The following GIGYF1 variants were observed in gnomAD, a reference collection of about 807,000 sequenced individuals.
GIGYF1 encodes GRB10 interacting GYF protein 1.
In GIGYF1, 84 loss-of-function variants were observed where a neutral mutation model predicts 147.1. That is an observed-to-expected ratio of 0.57 (90% CI 0.48 to 0.68). The LOEUF (loss-of-function observed/expected upper bound fraction) is 0.68. GIGYF1 is among the 30% of genes least tolerant of loss of function. The pLI is 0.00. For missense variants in GIGYF1, 1,485 were observed against 1,393.7 expected (o/e 1.07, Z -1.04); for synonymous variants, 752 against 589.5 (o/e 1.28, Z -3.99).
Position 100,688,818 on chromosome 7 carries a change from T to C in GIGYF1, c.-361A>G. 2 of 206,032 alleles carry C rather than the reference T, an allele frequency of 9.7e-6. No individual in the cohort carries two copies. Among genetic ancestry groups the C allele is most frequent in the South Asian group, 1.3e-4 (2 of 15,086 alleles). 12.8% of individuals were successfully genotyped at this position (206,032 alleles called of 1,614,324 possible). ...CAGGAGAGGTCCATTCGCCGGATGG[T>C]GTCTCTGGGCATCAGCACCCTCGCC... On this transcript the variant is annotated 5_prime_UTR_variant, in exon 2 of 27. Coordinates refer to ENST00000678049, the MANE Select transcript of GIGYF1 (RefSeq NM_001375765.1).
At position 100,687,039 on chromosome 7, in the gene GIGYF1, T is replaced by C. The variant is rs1394827453; in HGVS notation, c.490A>G (p.Arg164Gly). 6.2e-7 allele frequency: 1 copy of C among 1,613,652 alleles called. No homozygotes were observed. Among genetic ancestry groups the C allele is most frequent in the Admixed American group, 1.7e-5 (1 of 60,012 alleles). ...CGCCTTGCTGACTTCTCAAACCGCCTCTCGCCTCTGCAGCAGGGGAAACGT... is the reference window on the plus strand; with the variant it reads ...CGCCTTGCTGACTTCTCAAACCGCCCCTCGCCTCTGCAGCAGGGGAAACGT... ...RSQSWDDRGERRFEKSARRDG... is the reference protein window; with the variant it reads ...RSQSWDDRGEGRFEKSARRDG... Residue 164 changes from arginine to glycine, a missense_variant, in exon 9 of 27, where the codon AGG becomes GGG. Arg to Gly is a moderately radical substitution (Grantham distance 125). Coordinates refer to ENST00000678049, the MANE Select transcript of GIGYF1 (RefSeq NM_001375765.1).
intron 1 of GIGYF1, among the ~76,000 whole-genome samples, chr7:100,693,608 G>A (rs1231765008): frequency 1.3e-5 from 2 of 152,198 alleles, no homozygotes; most frequent in African/African-American, 2.4e-5. Flanking sequence ...CTCGTTCCGA[G>A]GGGAACCCAA....
rs142831413 is a variant in GIGYF1 at position 100,682,437 on chromosome 7, C to T, written c.2646G>A (p.Thr882=). 3.2e-5 allele frequency: 52 copies of T among 1,613,524 alleles called. No homozygotes were observed. Among genetic ancestry groups the T allele is most frequent in the African/African-American group, 2.1e-4 (16 of 75,056 alleles). ...HLSGRPIRKK[T]EEEEKLLKLL... ...GCTTCAGCAGCTTCTCTTCTTCCTC[C>T]GTCTTTTTGCGAATGGGCCGACCCG... is the stretch of plus-strand genomic sequence containing the variant. The change falls in exon 24 of 27, where the codon ACG becomes ACA. Residue 882 remains threonine (T), a synonymous_variant. Transcript: ENST00000678049.
chr7:100,684,872 G>A lies in GIGYF1; in HGVS notation c.1313C>T (p.Ser438Phe). 2 of 1,604,612 alleles carry A rather than the reference G, an allele frequency of 1.2e-6. No homozygotes were observed. The highest frequency in any genetic ancestry group is 1.3e-5 in the African/African-American group (1 of 74,862). ...CTCCTCCAAGGAGCTGTCCTGCAGG[G>A]AGGCCACCAGCTTCTCCGCCTCCTG... ...LQQEAEKLVA[S>F]LQDSSLEEEQ... The change falls in exon 15 of 27, where the codon TCC becomes TTC. Residue 438 changes from serine to phenylalanine, a missense_variant. Physicochemically the swap from Ser to Phe is radical, Grantham distance 155. Coordinates refer to ENST00000678049, the MANE Select transcript of GIGYF1 (RefSeq NM_001375765.1).
In GIGYF1 at chr7:100,687,001, C is replaced by T. The variant is rs368849080; in HGVS notation, c.523+5G>A. On this transcript the variant is annotated splice_donor_5th_base_variant and intron_variant, in intron 9 of 26. Coordinates refer to ENST00000678049, the MANE Select transcript of GIGYF1 (RefSeq NM_001375765.1). ...CCCCGGCCGCCGCCCTCAGCAGCCT[C>T]GTACCTCCATCCCGCCTTGCTGACT... 21 of 1,613,826 alleles carry T rather than the reference C, an allele frequency of 1.3e-5. No homozygotes were observed. Among genetic ancestry groups the T allele is most frequent in the East Asian group, 2.2e-5 (1 of 44,894 alleles).
chr7:100,685,535 A>C, intron 12 of GIGYF1, 54 bp from the exon 13 acceptor site: 1 of 1,574,118 alleles, frequency 6.4e-7, no homozygotes, highest in Non-Finnish European at 8.6e-7. Flanking sequence ...CTGCCACGCG[A>C]GTTAGCACAA....
In GIGYF1 at chr7:100,683,869, GCACCGACAAGGACCGGCT is replaced by G; in HGVS notation, c.1900_1917del (p.Ser634_Val639del). The G allele has an allele frequency of 6.4e-7, 1 of 1,561,686 alleles. No individual in the cohort carries two copies. Among genetic ancestry groups the G allele is most frequent in the African/African-American group, 1.4e-5 (1 of 73,762 alleles). On this transcript the variant is annotated inframe_deletion, in exon 19 of 27. Coordinates refer to ENST00000678049, the MANE Select transcript of GIGYF1 (RefSeq NM_001375765.1). The stretch of plus-strand genomic sequence containing the variant: ...ACGTCCCAGAGGCGGCCCGAATCTG[GCACCGACAAGGACCGGCT>G]CATCGTCGGGAGCAGGTTCTGGTCC...
In GIGYF1 at chr7:100,688,233, T is replaced by C; in HGVS notation, c.6A>G (p.Ala2=). The part of the protein sequence containing the change: M[A]AETLNFGPEW... The stretch of plus-strand genomic sequence containing the variant: ...CAGGCCCAAAGTTGAGTGTCTCTGC[T>C]GCCATCGTGGGGCTGGGCGTGTTTG... The change falls in exon 4 of 27, where the codon GCA becomes GCG. Residue 2 remains alanine, a synonymous_variant. Coordinates refer to ENST00000678049, the MANE Select transcript of GIGYF1 (RefSeq NM_001375765.1). The C allele has an allele frequency of 2.0e-6, 3 of 1,519,118 alleles. No individual in the cohort carries two copies. Among genetic ancestry groups the C allele is most frequent in the Non-Finnish European group, 1.8e-6 (2 of 1,123,280 alleles). 94.1% of individuals were successfully genotyped at this position (1,519,118 alleles called of 1,614,324 possible).
At chr7:100,686,489 C>A in intron 10 of GIGYF1, 56 bp from the exon 11 acceptor site, 1 of 1,535,150 alleles carries the variant, frequency 6.5e-7, no homozygotes, top group Non-Finnish European at 8.7e-7. Context: ...AGCCAGCGGC[C>A]CCCTCTGCTG....
Position 100,685,132 on chromosome 7 carries a change from TC to T in GIGYF1, c.1206del (p.Ile403SerfsTer3). 1 of 1,582,442 alleles carries T rather than the reference TC, an allele frequency of 6.3e-7. No individual in the cohort carries two copies. The highest frequency in any genetic ancestry group is 1.8e-5 in the Admixed American group (1 of 55,466). On this transcript the variant is annotated frameshift_variant, in exon 14 of 27. Coordinates refer to ENST00000678049, the MANE Select transcript of GIGYF1 (RefSeq NM_001375765.1). LOFTEE classifies it high-confidence loss of function. Reference protein sequence around the residue: ...EPPAAEDDIRGIQLSPGVGSS... With the variant: ...EPPAAEDDIRXIQLSPGVGSS... ...GAGCCCACCCCGGGACTCAGCTGGA[TC>T]CCCCGAATATCATCTGGAAGGCATG...
chr7:100,685,250 A>G, intron 13 of GIGYF1, 94 bp downstream of exon 13: 1 of 1,532,052 alleles, frequency 6.5e-7, no homozygotes. Flanking sequence ...TGGCTCCTCA[A>G]TGTGAATGCC....
rs777006636 is a variant in GIGYF1, at chr7:100,682,494, G to A, written c.2601-12C>T. 15 of 1,609,298 alleles carry A rather than the reference G, an allele frequency of 9.3e-6. No individual in the cohort carries two copies. Among genetic ancestry groups the A allele is most frequent in the Middle Eastern group, 1.6e-4 (1 of 6,080 alleles). ...GGCTGTATGAGTCACTGAAGGGGGA[G>A]GGTGAGTCAGGGTTGGAAATCAGCT... On this transcript the variant is annotated splice_polypyrimidine_tract_variant and intron_variant, in intron 23 of 26. Coordinates refer to ENST00000678049, the MANE Select transcript of GIGYF1 (RefSeq NM_001375765.1).
chr7:100,692,572 G>A (rs1273625524), intron 1 of GIGYF1, among the ~76,000 whole-genome samples: 2 of 152,202 alleles, frequency 1.3e-5, no homozygotes, highest in African/African-American at 4.8e-5. Flanking sequence ...CTCCTCTAAA[G>A]TGGGCTATTT....
rs1351284630 is a variant in GIGYF1, at chr7:100,681,676, G to A, written c.*43C>T. On this transcript the variant is annotated 3_prime_UTR_variant, in exon 27 of 27. Transcript: ENST00000678049. ...TGGGACCCTCGGTCCACGCCGCTGT[G>A]GCTGCCCTGGCCTACAGCCCAGGGG... The A allele has an allele frequency of 6.6e-7, 1 of 1,509,186 alleles. No individual in the cohort carries two copies. The highest frequency in any genetic ancestry group is 8.9e-7 in the Non-Finnish European group (1 of 1,128,360). 93.5% of individuals were successfully genotyped at this position (1,509,186 alleles called of 1,614,324 possible).
intron 1 of GIGYF1, 195 bp downstream of exon 1, chr7:100,693,915 G>A (rs1188994734): frequency 1.3e-5 from 2 of 151,332 alleles, no homozygotes; most frequent in Non-Finnish European, 3.0e-5. Context: ...GCCGGAGCGG[G>A]CGGGAGAGCG....
chr7:100,692,256 C>A (rs981854205), intron 1 of GIGYF1, among the ~76,000 whole-genome samples: 3 of 152,238 alleles, frequency 2.0e-5, no homozygotes, highest in African/African-American at 7.2e-5. Context: ...CCTCTCTGAG[C>A]CATCCCAGCA....
intron 1 of GIGYF1, among the ~76,000 whole-genome samples, chr7:100,692,983 G>C (rs900536457): frequency 6.6e-6 from 1 of 152,184 alleles, no homozygotes; most frequent in African/African-American, 2.4e-5. Context: ...ACCACCGATG[G>C]TGTTTCCATG....
At position 100,681,595 on chromosome 7, in the gene GIGYF1, G is replaced by A; in HGVS notation, c.*124C>T. ...AAGGTGCATCGTGTGTTTGTAACAAGTGCTGGGGACCCCGCCCCTGCCTCT... is the reference window on the plus strand; with the variant it reads ...AAGGTGCATCGTGTGTTTGTAACAAATGCTGGGGACCCCGCCCCTGCCTCT... On this transcript the variant is annotated 3_prime_UTR_variant, in exon 27 of 27. Transcript: ENST00000678049. 1.3e-6 allele frequency: 1 copy of A among 791,810 alleles called. No homozygotes were observed. Among genetic ancestry groups the A allele is most frequent in the Non-Finnish European group, 1.9e-6 (1 of 526,324 alleles). 49.0% of individuals were successfully genotyped at this position (791,810 alleles called of 1,614,324 possible). A position where few individuals can be genotyped will look rare whatever the true frequency, so the allele number is the denominator to read the frequency against.
intron 1 of GIGYF1, among the ~76,000 whole-genome samples, chr7:100,693,055 T>G (rs1584514710): frequency 1.3e-5 from 2 of 152,028 alleles, no homozygotes; most frequent in African/African-American, 4.8e-5. Context: ...GAAGAGGCAG[T>G]GCACAAGAGG....
Sources: gnomAD v4.1 joint callset for allele counts (sites outside exome capture counted in the v4.1 genomes callset) on GRCh38, gnomAD v4.1.1 for gene constraint, MANE v1.5 for transcripts, NCBI Gene and HGNC (gene_info 2026-07-23, HGNC 2026-07-21) for gene names.